PLCG2: variants seen among roughly 807,000 people sequenced by gnomAD.
The protein encoded by PLCG2 is phospholipase C gamma 2, also known as 1-phosphatidylinositol 4,5-bisphosphate phosphodiesterase gamma-2.
PLCG2 carries 69 observed loss-of-function variants against 175.6 expected under a neutral mutation model. The observed-to-expected ratio is 0.39, with a 90% CI of 0.32 to 0.48. PLCG2 has a LOEUF of 0.48. Ranked by LOEUF, PLCG2 falls within the 20% of genes least tolerant of loss-of-function variation. The probability of loss-of-function intolerance (pLI) is 0.91; values close to 1 mark genes in which losing one functional copy is unlikely to be tolerated. For synonymous variants in PLCG2, 827 were observed against 624.0 expected, an observed-to-expected ratio of 1.33 and a Z score of -4.85; for missense variants, 1,798 against 1,650.9, an observed-to-expected ratio of 1.09 and a Z score of -1.54.
chr16:81,919,503 C>T lies in PLCG2; in HGVS notation c.2074C>T (p.His692Tyr). ...CTCCAGGGCTAGGGGCAAGGTAAAG[C>T]ATTGTCGCATCAACCGGGACGGCCG... ...ITFRARGKVK[H>Y]CRINRDGRHF... The change falls in exon 20 of 33, where the codon CAT becomes TAT. Residue 692 changes from histidine (H) to tyrosine (Y), a missense_variant. Coordinates refer to ENST00000564138, the MANE Select transcript of PLCG2 (RefSeq NM_002661.5). 1 of 1,614,028 alleles carries T rather than the reference C, an allele frequency of 6.2e-7. No individual in the cohort carries two copies. The highest frequency in any genetic ancestry group is 8.5e-7 in the Non-Finnish European group (1 of 1,179,992).
chr16:81,750,646 C>T (rs1033057246), intron 1 of PLCG2, among the ~76,000 whole-genome samples: 13 of 130,728 alleles, frequency 9.9e-5, no homozygotes, highest in Non-Finnish European at 1.8e-4. Context: ...ATTTAAAAAG[C>T]AGAATGGGGA....
intron 2 of PLCG2, among the ~76,000 whole-genome samples, chr16:81,822,921 G>C (rs1424853701): frequency 6.6e-6 from 1 of 152,252 alleles, no homozygotes; most frequent in Non-Finnish European, 1.5e-5. Flanking sequence ...AAAATGGCCA[G>C]GAAGCAGGTT....
At chr16:81,819,263 G>A (rs1452722624) in intron 2 of PLCG2, among the ~76,000 whole-genome samples, 1 of 152,142 alleles carries the variant, frequency 6.6e-6, no homozygotes, top group East Asian at 1.9e-4. Flanking sequence ...TCAGATGGCT[G>A]GGCAGAGTCA....
At position 81,786,107 on chromosome 16, in the gene PLCG2, C is replaced by T; in HGVS notation, c.118C>T (p.Arg40Trp). 3 of 1,614,174 alleles carry T rather than the reference C, an allele frequency of 1.9e-6. No individual in the cohort carries two copies. The highest frequency in any genetic ancestry group is 2.5e-6 in the Non-Finnish European group (3 of 1,180,036). ...VFSFRKSTPE[R>W]RTVQVIMETR... ...CAGCTTCCGCAAGTCCACCCCCGAG[C>T]GGAGAACCGTCCAGGTGATCATGGA... The change falls in exon 2 of 33, where the codon CGG (arginine) becomes TGG (tryptophan). Residue 40 changes from arginine to tryptophan, a missense_variant. Coordinates refer to ENST00000564138, the MANE Select transcript of PLCG2 (RefSeq NM_002661.5).
At position 81,961,484 on chromosome 16, in the gene PLCG2, G is replaced by T; in HGVS notation, c.*3486G>T. On this transcript the variant is annotated 3_prime_UTR_variant, in exon 33 of 33. Coordinates refer to ENST00000564138, the MANE Select transcript of PLCG2 (RefSeq NM_002661.5). Reference sequence around the variant, plus strand: ...AAAATTTTAAAGGCTTACAGCCTTAGGATTATAGGATACTATATAATACTT... The same window carrying T: ...AAAATTTTAAAGGCTTACAGCCTTATGATTATAGGATACTATATAATACTT... 1 of 223,642 alleles carries T rather than the reference G, an allele frequency of 4.5e-6. No individual in the cohort carries two copies. Among genetic ancestry groups the T allele is most frequent in the Admixed American group, 5.7e-5 (1 of 17,438 alleles). 13.9% of individuals were successfully genotyped at this position (223,642 alleles called of 1,614,324 possible). A position where few individuals can be genotyped will look rare whatever the true frequency, so the allele number is the denominator to read the frequency against.
At chr16:81,778,786 T>A (rs1048815614), upstream of PLCG2, among the ~76,000 whole-genome samples, 6 of 151,492 alleles carry the variant, frequency 4.0e-5, no homozygotes, top group Admixed American at 2.6e-4. Context: ...TCCTGGCGGG[T>A]AATTGTGAAG....
intron 21 of PLCG2, among the ~76,000 whole-genome samples, chr16:81,921,840 G>T (rs1910075281): frequency 6.6e-6 from 1 of 152,184 alleles, no homozygotes; most frequent in African/African-American, 2.4e-5. Context: ...CCTGCTTGTG[G>T]GCTCTGTTGA....
chr16:81,961,938 G>C lies in PLCG2; in HGVS notation c.*3940G>C, dbSNP rs12149470. The C allele has an allele frequency of 1.0e-5, 2 of 197,382 alleles. No homozygotes were observed. The highest frequency in any genetic ancestry group is 1.2e-4 in the Admixed American group (2 of 16,458). The allele number at this position is 197,382 out of a possible 1,614,324, so 12.2% of individuals were successfully genotyped here. On this transcript the variant is annotated 3_prime_UTR_variant, in exon 33 of 33. Coordinates refer to ENST00000564138, the MANE Select transcript of PLCG2 (RefSeq NM_002661.5). ...AAGATTGCTGATCGGATGTGAGGGC[G>C]ATCTGGCTGCGACATCTGTCACCCC...
chr16:81,742,254 C>T (rs1264586262), intron 1 of PLCG2, among the ~76,000 whole-genome samples: 1 of 152,080 alleles, frequency 6.6e-6, no homozygotes, highest in Non-Finnish European at 1.5e-5. Flanking sequence ...CATAGTACCC[C>T]TGGAAAATAG....
At chr16:81,802,956 A>T (rs1194212690) in intron 2 of PLCG2, among the ~76,000 whole-genome samples, 1 of 152,182 alleles carries the variant, frequency 6.6e-6, no homozygotes, top group Non-Finnish European at 1.5e-5. Context: ...TATCATAATC[A>T]GTTTTAGAAT....
chr16:81,925,913 G>T (rs1910251312), intron 22 of PLCG2, among the ~76,000 whole-genome samples: 1 of 149,990 alleles, frequency 6.7e-6, no homozygotes, highest in Non-Finnish European at 1.5e-5. Context: ...AATCCAGAAG[G>T]ATATCATATA....
intron 27 of PLCG2, 76 bp downstream of exon 27, chr16:81,936,454 C>G (rs1344501629): frequency 4.4e-6 from 5 of 1,129,690 alleles, no homozygotes; most frequent in African/African-American, 1.5e-5. Context: ...CACCTTGGGT[C>G]AGCGATACCA....
chr16:81,781,108 C>T (rs111703614), intron 1 of PLCG2, among the ~76,000 whole-genome samples: 265 of 152,262 alleles, frequency 1.7e-3, no homozygotes, highest in Non-Finnish European at 3.4e-3. Flanking sequence ...AAAATTTGCC[C>T]GTTACATCAT....
chr16:81,930,852 C>G (rs71400185), intron 24 of PLCG2, among the ~76,000 whole-genome samples: 21,528 of 151,554 alleles, frequency 0.14, 1,889 homozygotes, highest in Non-Finnish European at 0.2. Context: ...AAACAGTTCA[C>G]AAAATTTTAT....
At chr16:81,825,107 G>A (rs907442927) in intron 2 of PLCG2, among the ~76,000 whole-genome samples, 4 of 152,118 alleles carry the variant, frequency 2.6e-5, no homozygotes, top group Admixed American at 2.0e-4. Flanking sequence ...CTTGGTCTTA[G>A]CCCAGCGAGA....
At chr16:81,913,923 C>G (rs754281076) in intron 19 of PLCG2, among the ~76,000 whole-genome samples, 8 of 152,154 alleles carry the variant, frequency 5.3e-5, no homozygotes, top group Middle Eastern at 3.2e-3. Flanking sequence ...TTACTGAGGA[C>G]CTACTGTGTA....
chr16:81,923,670 T>C (rs1199083746), intron 22 of PLCG2, 76 bp downstream of exon 22: 1 of 838,708 alleles, frequency 1.2e-6, no homozygotes. Flanking sequence ...ACTCAGGTGC[T>C]GGCCAAGTCT....
At chr16:81,821,742 C>A (rs528701152) in intron 2 of PLCG2, among the ~76,000 whole-genome samples, 73 of 152,308 alleles carry the variant, frequency 4.8e-4, no homozygotes, top group Non-Finnish European at 3.1e-4. Flanking sequence ...TCTTTCTCCG[C>A]TAACTTGCCA....
intron 2 of PLCG2, among the ~76,000 whole-genome samples, chr16:81,830,671 T>C (rs1055207776): frequency 9.2e-5 from 14 of 151,660 alleles, no homozygotes; most frequent in Non-Finnish European, 2.1e-4. Context: ...TGTGTGTATA[T>C]ATATATATAC....
Sources: allele counts gnomAD v4.1 joint callset (sites outside exome capture counted in the v4.1 genomes callset), GRCh38; gene constraint gnomAD v4.1.1; transcripts MANE v1.5; gene names NCBI Gene and HGNC (gene_info 2026-07-23, HGNC 2026-07-21).